The following GNG5 variants were observed in gnomAD, a reference collection of about 807,000 sequenced individuals.
GNG5 encodes the protein guanine nucleotide-binding protein G(I)/G(S)/G(O) subunit gamma-5.
A neutral mutation model predicts 6.2 loss-of-function variants in GNG5; 2 were observed. That is an observed-to-expected ratio of 0.32 (90% CI 0.13 to 1.01). The LOEUF is 1.01. Ranked by LOEUF, GNG5 falls within the 50% of genes least tolerant of loss-of-function variation. The probability of loss-of-function intolerance (pLI) is 0.48; values close to 1 mark genes in which losing one functional copy is unlikely to be tolerated. For synonymous variants in GNG5, 24 were observed against 33.0 expected (o/e 0.73, Z 0.93); for missense variants, 57 against 80.2 (o/e 0.71, Z 1.10).
At chr1:84,504,481 G>A (rs1358682609) in intron 2 of GNG5, among the ~76,000 whole-genome samples, 2 of 152,300 alleles carry the variant, frequency 1.3e-5, no homozygotes, top group Admixed American at 6.5e-5. Context: ...ATTTTAGCCT[G>A]AGAACCTCAT....
At chr1:84,502,817 T>G (rs1682084719) in intron 2 of GNG5, among the ~76,000 whole-genome samples, 1 of 152,226 alleles carries the variant, frequency 6.6e-6, no homozygotes, top group Non-Finnish European at 1.5e-5. Context: ...TATCAGACCC[T>G]TATACTGTCT....
chr1:84,506,095 G>A lies in GNG5; in HGVS notation c.-4C>T. On this transcript the variant is annotated 5_prime_UTR_variant, in exon 2 of 4. Coordinates refer to ENST00000370645, the MANE Select transcript of GNG5 (RefSeq NM_005274.3). ...CGACGCTGGAGGAGCCAGACATGGTGCACGCGACGGCCGGGCCGATTCGTG... is the reference window on the plus strand; with the variant it reads ...CGACGCTGGAGGAGCCAGACATGGTACACGCGACGGCCGGGCCGATTCGTG... 6.4e-7 allele frequency: 1 copy of A among 1,573,160 alleles called. No individual in the cohort carries two copies. Among genetic ancestry groups the A allele is most frequent in the Non-Finnish European group, 8.6e-7 (1 of 1,161,276 alleles).
chr1:84,505,999 G>C lies in GNG5; in HGVS notation c.81+12C>G. On this transcript the variant is annotated intron_variant, in intron 2 of 3. Coordinates refer to ENST00000370645, the MANE Select transcript of GNG5 (RefSeq NM_005274.3). ...CGCCTTCCTCCCGCCTCGGCCGCCC[G>C]CCCCCGCTCACTTTTACGCGGTTGA... 6.7e-7 allele frequency: 1 copy of C among 1,498,600 alleles called. No individual in the cohort carries two copies. Among genetic ancestry groups the C allele is most frequent in the Non-Finnish European group, 8.9e-7 (1 of 1,123,116 alleles). The allele number at this position is 1,498,600 out of a possible 1,614,324, so 92.8% of individuals were successfully genotyped here.
At chr1:84,505,824 A>G (rs1180407100) in intron 2 of GNG5, among the ~76,000 whole-genome samples, 187 bp downstream of exon 2, 1 of 152,136 alleles carries the variant, frequency 6.6e-6, no homozygotes, top group Non-Finnish European at 1.5e-5. Context: ...TCCCCCTAAA[A>G]CACAGCGTAG....
chr1:84,504,491 T>C (rs543805881), intron 2 of GNG5, among the ~76,000 whole-genome samples: 1 of 152,254 alleles, frequency 6.6e-6, no homozygotes, highest in Non-Finnish European at 1.5e-5. Context: ...GAGAACCTCA[T>C]GTCATTTTCT....
chr1:84,499,688 T>C (rs925001999), intron 3 of GNG5, among the ~76,000 whole-genome samples: 35 of 152,370 alleles, frequency 2.3e-4, no homozygotes, highest in African/African-American at 9.6e-5. Context: ...TGTCGTCTTA[T>C]CTGCATTTTT....
intron 2 of GNG5, among the ~76,000 whole-genome samples, chr1:84,504,538 A>G (rs1236349734): frequency 6.6e-6 from 1 of 152,134 alleles, no homozygotes; most frequent in Admixed American, 6.5e-5. Context: ...TGCTTTCACT[A>G]TCCCACCCCC....
At chr1:84,502,840 AAAAC>A (rs1476515358) in intron 2 of GNG5, among the ~76,000 whole-genome samples, 4 of 152,222 alleles carry the variant, frequency 2.6e-5, no homozygotes, top group Non-Finnish European at 5.9e-5. Flanking sequence ...CATTTAAACT[AAAAC>A]AAATTAAAAG....
chr1:84,504,823 T>C (rs1234124834), intron 2 of GNG5, among the ~76,000 whole-genome samples: 1 of 151,970 alleles, frequency 6.6e-6, no homozygotes, highest in Non-Finnish European at 1.5e-5. Flanking sequence ...GTAAGCTAGG[T>C]CCCTGACATT....
Position 84,506,118 on chromosome 1 carries a change from G to T in GNG5, c.-27C>A, listed in dbSNP as rs760418655. On this transcript the variant is annotated 5_prime_UTR_variant, in exon 2 of 4. Transcript: ENST00000370645. ...GTGCACGCGACGGCCGGGCCGATTC[G>T]TGGGTCGGTGGGTCGTGGGCCGTGG... 3 of 1,562,394 alleles carry T rather than the reference G, an allele frequency of 1.9e-6. No homozygotes were observed. The African/African-American group carries it at 4.2e-5, about 22-fold the overall frequency.
chr1:84,503,964 G>C (rs1339166302), intron 2 of GNG5: 1 of 152,216 alleles, frequency 6.6e-6, no homozygotes. Context: ...AGTGAGGAAA[G>C]CTGAGACAAA....
In GNG5 at chr1:84,501,836, T is replaced by C. The variant is rs773165236; in HGVS notation, c.*9A>G. On this transcript the variant is annotated 3_prime_UTR_variant, in exon 3 of 4. Coordinates refer to ENST00000370645, the MANE Select transcript of GNG5 (RefSeq NM_005274.3). ...TTTAAGGAAACTTACCTTTGAAAGA[T>C]TCATTTTACTACAAAAAGGAACAGA... 3.4e-5 allele frequency: 54 copies of C among 1,604,738 alleles called. No homozygotes were observed. The highest frequency in any genetic ancestry group is 4.4e-5 in the Non-Finnish European group (52 of 1,172,678).
rs578070659 is a variant in GNG5, at chr1:84,506,415, A to T, written c.-211+21T>A. 104 of 204,970 alleles carry T rather than the reference A, an allele frequency of 5.1e-4. 4 individuals are homozygous for T. The highest frequency in any genetic ancestry group is 2.2e-3 in the African/African-American group (94 of 43,110). 12.7% of individuals were successfully genotyped at this position (204,970 alleles called of 1,614,324 possible). A position where few individuals can be genotyped will look rare whatever the true frequency, so the allele number is the denominator to read the frequency against. On this transcript the variant is annotated intron_variant, in intron 1 of 3. Transcript: ENST00000370645. Reference sequence around the variant, plus strand: ...TCCTCTCCAGAGGGGCCGATTAGGGAGAGGTAAGGAGAGAGCTTACCGTTA... The same window carrying T: ...TCCTCTCCAGAGGGGCCGATTAGGGTGAGGTAAGGAGAGAGCTTACCGTTA...
In GNG5 at chr1:84,501,798, T is replaced by A. The variant is rs544602898; in HGVS notation, c.*19+28A>T. On this transcript the variant is annotated intron_variant, in intron 3 of 3. Coordinates refer to ENST00000370645, the MANE Select transcript of GNG5 (RefSeq NM_005274.3). ...AGACTAGTTATTCCTACAGTGTGGG[T>A]TTTTGTTTTAAATTTAAGGAAACTT... The A allele has an allele frequency of 7.5e-5, 109 of 1,453,072 alleles. 2 individuals carry two copies. In the South Asian group the frequency reaches 1.2e-3, roughly 16 times the overall value. The allele number at this position is 1,453,072 out of a possible 1,614,324, so 90.0% of individuals were successfully genotyped here.
intron 2 of GNG5, among the ~76,000 whole-genome samples, chr1:84,502,374 C>T (rs946706943): frequency 6.6e-6 from 1 of 151,990 alleles, no homozygotes; most frequent in African/African-American, 2.4e-5. Flanking sequence ...CCTCGTGATC[C>T]GCCCACCTCG....
At chr1:84,498,677 C>T (rs774645572) in intron 3 of GNG5, 129 bp from the exon 4 acceptor site, 1 of 152,278 alleles carries the variant, frequency 6.6e-6, no homozygotes, top group Non-Finnish European at 1.5e-5. Context: ...ACAGTAAAAT[C>T]TTTCCCTTAA....
intron 2 of GNG5, among the ~76,000 whole-genome samples, chr1:84,502,741 GA>G (rs891178595): frequency 3.9e-5 from 6 of 152,132 alleles, no homozygotes; most frequent in African/African-American, 1.4e-4. Context: ...CATAATGTGG[GA>G]TAACTAGCAC....
At position 84,501,936 on chromosome 1, in the gene GNG5, CAG is replaced by C. The variant is rs1261050231; in HGVS notation, c.114_115del (p.Phe38LeufsTer8). The C allele has an allele frequency of 6.2e-7, 1 of 1,610,792 alleles. No homozygotes were observed. Among genetic ancestry groups the C allele is most frequent in the Non-Finnish European group, 8.5e-7 (1 of 1,177,146 alleles). Reference sequence around the variant, plus strand: ...AGGGTCATGTTGAGCATTCTGCAGACAGAACTGTTTCAAGTCTGCAGCTGCCT... The same window carrying C: ...AGGGTCATGTTGAGCATTCTGCAGACAACTGTTTCAAGTCTGCAGCTGCCT... On this transcript the variant is annotated frameshift_variant, in exon 3 of 4. Transcript: ENST00000370645. LOFTEE classifies it high-confidence loss of function.
At chr1:84,504,998 G>A (rs972153590) in intron 2 of GNG5, among the ~76,000 whole-genome samples, 2 of 152,120 alleles carry the variant, frequency 1.3e-5, no homozygotes, top group African/African-American at 2.4e-5. Flanking sequence ...AAAACATTTC[G>A]GCAAGTAATA....
Sources: allele counts gnomAD v4.1 joint callset (sites outside exome capture counted in the v4.1 genomes callset), GRCh38; gene constraint gnomAD v4.1.1; transcripts MANE v1.5; gene names NCBI Gene and HGNC (gene_info 2026-07-23, HGNC 2026-07-21).